Variants in CREB5 observed in about 807,000 individuals in gnomAD.
CREB5 encodes the protein cyclic AMP-responsive element-binding protein 5.
Under a neutral mutation model 57.1 loss-of-function variants are expected in CREB5, and 19 were observed. That is an observed-to-expected ratio of 0.33 (90% CI 0.23 to 0.49). The LOEUF (loss-of-function observed/expected upper bound fraction) is 0.49. Among genes scored for constraint, CREB5 ranks in the 20% least tolerant of loss-of-function variants. The probability of loss-of-function intolerance (pLI) is 0.99; values close to 1 mark genes in which losing one functional copy is unlikely to be tolerated. For synonymous variants in CREB5, 238 were observed against 238.3 expected, an observed-to-expected ratio of 1.00 and a Z score of 0.01; for missense variants, 579 against 671.6, an observed-to-expected ratio of 0.86 and a Z score of 1.52.
At chr7:28,654,461 ATATATT>A (rs1433463739) in intron 5 of CREB5, among the ~76,000 whole-genome samples, 1 of 152,234 alleles carries the variant, frequency 6.6e-6, no homozygotes, top group African/African-American at 2.4e-5. Flanking sequence ...GCACTTATAA[ATATATT>A]ATGAAGCTCT....
intron 5 of CREB5, among the ~76,000 whole-genome samples, chr7:28,676,841 C>T (rs566941176): frequency 1.5e-4 from 23 of 152,214 alleles, no homozygotes; most frequent in Admixed American, 1.2e-3. Context: ...AGGAATATTG[C>T]AAAATAAACA....
intron 1 of CREB5, among the ~76,000 whole-genome samples, chr7:28,438,167 C>A (rs1789034814): frequency 6.6e-6 from 1 of 152,152 alleles, no homozygotes; most frequent in African/African-American, 2.4e-5. Context: ...CAGACTTTCA[C>A]CCAAGAGTAG....
chr7:28,560,110 A>G (rs1795020391), intron 4 of CREB5, among the ~76,000 whole-genome samples: 1 of 152,220 alleles, frequency 6.6e-6, no homozygotes, highest in South Asian at 2.1e-4. Flanking sequence ...TTTACTTTGT[A>G]GGTCAAAGGA....
intron 1 of CREB5, among the ~76,000 whole-genome samples, chr7:28,443,060 T>G (rs1789271010): frequency 6.6e-6 from 1 of 152,228 alleles, no homozygotes; most frequent in Admixed American, 6.5e-5. Flanking sequence ...AGTCAAGAAC[T>G]GTGAAGAGCT....
At chr7:28,418,000 G>A (rs1788091704) in intron 1 of CREB5, among the ~76,000 whole-genome samples, 2 of 152,160 alleles carry the variant, frequency 1.3e-5, no homozygotes, top group African/African-American at 4.8e-5. Context: ...CTCTGTTTCG[G>A]AAAAGGTCAG....
intron 5 of CREB5, among the ~76,000 whole-genome samples, chr7:28,702,604 A>G (rs1035828960): frequency 2.6e-5 from 4 of 152,240 alleles, no homozygotes; most frequent in Admixed American, 6.5e-5. Context: ...CATTTTCCCA[A>G]TGGTGAAAGG....
intron 7 of CREB5, among the ~76,000 whole-genome samples, chr7:28,776,525 T>C (rs1475328719): frequency 1.3e-5 from 2 of 152,198 alleles, no homozygotes; most frequent in African/African-American, 2.4e-5. Context: ...AGAGTTTTTT[T>C]AAACTTTCTT....
chr7:28,687,233 G>A (rs542064193), intron 5 of CREB5, among the ~76,000 whole-genome samples: 111 of 152,052 alleles, frequency 7.3e-4, no homozygotes, highest in Non-Finnish European at 1.2e-3. Flanking sequence ...TAATTAATCC[G>A]GTGCTATCTT....
At chr7:28,398,625 A>G (rs1261574612) in intron 1 of CREB5, among the ~76,000 whole-genome samples, 1 of 152,196 alleles carries the variant, frequency 6.6e-6, no homozygotes, top group Non-Finnish European at 1.5e-5. Context: ...TCTAAACTGT[A>G]TATTATGCCC....
intron 1 of CREB5, 112 bp from the exon 2 acceptor site, chr7:28,488,063 A>T: frequency 1.2e-6 from 1 of 841,288 alleles, no homozygotes; most frequent in Non-Finnish European, 1.9e-6. Flanking sequence ...TAATTTTGGT[A>T]TTGGCATAGA....
intron 1 of CREB5, among the ~76,000 whole-genome samples, chr7:28,390,605 A>G (rs1364018696): frequency 6.6e-6 from 1 of 152,098 alleles, no homozygotes; most frequent in Non-Finnish European, 1.5e-5. Context: ...CTTCCTCCGC[A>G]CCACTTGGCT....
At chr7:28,364,356 G>A (rs140268796) in intron 1 of CREB5, among the ~76,000 whole-genome samples, 1 of 152,220 alleles carries the variant, frequency 6.6e-6, no homozygotes. Flanking sequence ...TGAAGAGACA[G>A]TTCTTAAGTA....
chr7:28,761,431 A>T (rs1285455645), intron 7 of CREB5, among the ~76,000 whole-genome samples: 1 of 152,208 alleles, frequency 6.6e-6, no homozygotes, highest in Non-Finnish European at 1.5e-5. Context: ...ATGGCAAGTC[A>T]ATAGACAAGG....
At chr7:28,710,128 A>G (rs1335233885) in intron 5 of CREB5, among the ~76,000 whole-genome samples, 1 of 152,218 alleles carries the variant, frequency 6.6e-6, no homozygotes, top group Non-Finnish European at 1.5e-5. Context: ...CTCATCTAAA[A>G]GCTTGAGTTT....
rs190501236 is a variant in CREB5, at chr7:28,495,105, G to A, written c.169+106G>A. 3.0e-4 allele frequency: 195 copies of A among 648,022 alleles called. 1 individual carries two copies. The African/African-American group carries it at 3.1e-3, about 10-fold the overall frequency. The allele number at this position is 648,022 out of a possible 1,614,324, so 40.1% of individuals were successfully genotyped here. On this transcript the variant is annotated intron_variant, in intron 3 of 10. Transcript: ENST00000357727. The stretch of plus-strand genomic sequence containing the variant: ...GTCCCACTGGTAAATTGTGCACCTT[G>A]AAAATACACATTTCTAAGGTATAGC...
At chr7:28,606,033 A>G (rs1797119228) in intron 5 of CREB5, among the ~76,000 whole-genome samples, 1 of 152,200 alleles carries the variant, frequency 6.6e-6, no homozygotes, top group African/African-American at 2.4e-5. Context: ...TTATCTCAAT[A>G]AAGTTGATTT....
intron 1 of CREB5, among the ~76,000 whole-genome samples, chr7:28,304,880 A>T (rs947339164): frequency 1.3e-5 from 2 of 152,216 alleles, no homozygotes; most frequent in African/African-American, 4.8e-5. Flanking sequence ...TGTAGAAATG[A>T]AAGGCTGGAA....
At chr7:28,489,909 G>A (rs1761390567) in intron 2 of CREB5, among the ~76,000 whole-genome samples, 1 of 152,160 alleles carries the variant, frequency 6.6e-6, no homozygotes, top group African/African-American at 2.4e-5. Flanking sequence ...TGCTAGACCA[G>A]GACTCTTCAT....
intron 5 of CREB5, among the ~76,000 whole-genome samples, chr7:28,676,862 T>C (rs188399596): frequency 2.6e-4 from 39 of 152,288 alleles, no homozygotes; most frequent in Non-Finnish European, 2.6e-4. Flanking sequence ...TCTGGAAATG[T>C]TGATAGTAAA....
Sources: gnomAD v4.1 joint callset for allele counts (sites outside exome capture counted in the v4.1 genomes callset) on GRCh38, gnomAD v4.1.1 for gene constraint, MANE v1.5 for transcripts, NCBI Gene and HGNC (gene_info 2026-07-23, HGNC 2026-07-21) for gene names.